The following HNRNPLL variants were observed in gnomAD, a reference collection of about 807,000 sequenced individuals.
HNRNPLL encodes the protein heterogeneous nuclear ribonucleoprotein L-like.
In HNRNPLL, 25 loss-of-function variants were observed where a neutral mutation model predicts 67.1. That is an observed-to-expected ratio of 0.37 (90% confidence interval 0.27 to 0.52). The LOEUF (loss-of-function observed/expected upper bound fraction) is 0.52. Among genes scored for constraint, HNRNPLL ranks in the 20% least tolerant of loss-of-function variants. The pLI is 0.90. For synonymous variants in HNRNPLL, 267 were observed against 241.7 expected (o/e 1.10, Z -0.97); for missense variants, 542 against 673.9 (o/e 0.80, Z 2.17).
chr2:38,592,524 G>C (rs942404542), intron 1 of HNRNPLL, among the ~76,000 whole-genome samples: 1 of 152,172 alleles, frequency 6.6e-6, no homozygotes. Flanking sequence ...GCAAGGCAGG[G>C]GGATGAATAA....
At chr2:38,578,385 A>G (rs1157658733) in intron 6 of HNRNPLL, among the ~76,000 whole-genome samples, 1 of 152,116 alleles carries the variant, frequency 6.6e-6, no homozygotes, top group Admixed American at 6.6e-5. Flanking sequence ...AAAAATCATT[A>G]TACAATACTT....
At chr2:38,572,167 A>T (rs942610848) in intron 8 of HNRNPLL, among the ~76,000 whole-genome samples, 1 of 152,154 alleles carries the variant, frequency 6.6e-6, no homozygotes, top group African/African-American at 2.4e-5. Context: ...GCCCAGTTAC[A>T]CAAGTATAGG....
chr2:38,589,159 A>G lies in HNRNPLL; in HGVS notation c.308+2371T>C, dbSNP rs574780800. ...TTGATTATAATGCATACAGTATAGAAAAATAACAAAAGTTAAAAAATACAA... is the reference window on the plus strand; with the variant it reads ...TTGATTATAATGCATACAGTATAGAGAAATAACAAAAGTTAAAAAATACAA... On this transcript the variant is annotated intron_variant, in intron 2 of 12. Transcript: ENST00000449105. Among the ~76,000 whole-genome samples the G allele has an allele frequency of 3.3e-3, 499 of 152,344 alleles. 3 individuals carry two copies. The highest frequency in any genetic ancestry group is 4.4e-3 in the Non-Finnish European group (300 of 68,024).
intron 10 of HNRNPLL, 55 bp from the exon 11 acceptor site, chr2:38,568,498 T>C (rs919638493): frequency 1.4e-5 from 16 of 1,174,758 alleles, no homozygotes; most frequent in Non-Finnish European, 2.0e-5. Context: ...TATCCCACTT[T>C]TTTACAGAAA....
intron 4 of HNRNPLL, among the ~76,000 whole-genome samples, chr2:38,582,979 G>A (rs1229156671): frequency 1.1e-4 from 16 of 151,990 alleles, no homozygotes; most frequent in Admixed American, 1.0e-3. Context: ...TCGGAAAGCA[G>A]AGGAGATAAT....
At chr2:38,591,918 G>A (rs909849865) in intron 1 of HNRNPLL, among the ~76,000 whole-genome samples, 1 of 152,126 alleles carries the variant, frequency 6.6e-6, no homozygotes, top group African/African-American at 2.4e-5. Context: ...GGAGGCTGCA[G>A]TGAGCCAAGA....
chr2:38,601,611 C>T (rs2148396438), intron 1 of HNRNPLL: 1 of 152,328 alleles, frequency 6.6e-6, no homozygotes, highest in East Asian at 1.9e-4. Flanking sequence ...CCTTCTGCCT[C>T]CCCCTAACAT....
chr2:38,583,935 G>T lies in HNRNPLL; in HGVS notation c.547-9C>A, dbSNP rs1335681694. 1 of 1,295,668 alleles carries T rather than the reference G, an allele frequency of 7.7e-7. No homozygotes were observed. The highest frequency in any genetic ancestry group is 1.1e-6 in the Non-Finnish European group (1 of 937,980). The allele number at this position is 1,295,668 out of a possible 1,614,324, so 80.3% of individuals were successfully genotyped here. A position where few individuals can be genotyped will look rare whatever the true frequency, so the allele number is the denominator to read the frequency against. On this transcript the variant is annotated splice_polypyrimidine_tract_variant and intron_variant, in intron 3 of 12. Coordinates refer to ENST00000449105, the MANE Select transcript of HNRNPLL (RefSeq NM_138394.4). ...ACAGTATATAAAACATCCTATGAAG[G>T]AAAAGAAAAAGATTTCTTCACACTT...
chr2:38,586,221 C>G (rs754413701), intron 2 of HNRNPLL, among the ~76,000 whole-genome samples: 88 of 152,116 alleles, frequency 5.8e-4, no homozygotes, highest in Non-Finnish European at 1.1e-3. Context: ...CAGGGTTTCC[C>G]CGTGTTAGCC....
At chr2:38,587,791 C>T (rs1052400538) in intron 2 of HNRNPLL, among the ~76,000 whole-genome samples, 1 of 152,102 alleles carries the variant, frequency 6.6e-6, no homozygotes, top group Non-Finnish European at 1.5e-5. Context: ...ATCCAAACCT[C>T]GTATTGAATT....
intron 6 of HNRNPLL, 135 bp downstream of exon 6, chr2:38,581,778 G>T: frequency 1.5e-6 from 1 of 666,450 alleles, no homozygotes; most frequent in Non-Finnish European, 2.7e-6. Flanking sequence ...GCATTACATG[G>T]CCTTTTGCAA....
chr2:38,588,552 A>AAAAAAAAC lies in HNRNPLL; in HGVS notation c.309-2672_309-2671insGTTTTTTT, dbSNP rs1334422453. On this transcript the variant is annotated intron_variant, in intron 2 of 12. Coordinates refer to ENST00000449105, the MANE Select transcript of HNRNPLL (RefSeq NM_138394.4). ...ACAGAGTGAAACTCCATCTCAAAAA[A>AAAAAAAAC]AAAAAAAAAAAAAAAGGGTGAGCTA... Among the ~76,000 whole-genome samples, 4 of 138,070 alleles carry AAAAAAAAC rather than the reference A, an allele frequency of 2.9e-5. 1 individual carries two copies. Among genetic ancestry groups the AAAAAAAAC allele is most frequent in the African/African-American group, 9.9e-5 (3 of 30,440 alleles). 90.6% of individuals were successfully genotyped at this position (138,070 alleles called of 152,430 possible).
At chr2:38,588,503 CGCGCCACTGCACCA>C (rs1442890354) in intron 2 of HNRNPLL, among the ~76,000 whole-genome samples, 112 of 137,880 alleles carry the variant, frequency 8.1e-4, no homozygotes, top group Non-Finnish European at 1.4e-3. Context: ...GAGCCAAGAT[CGCGCCACTGCACCA>C]GCTTGGGTGA....
chr2:38,569,981 A>G, intron 8 of HNRNPLL, 56 bp from the exon 9 acceptor site: 1 of 1,314,154 alleles, frequency 7.6e-7, no homozygotes, highest in Non-Finnish European at 1.1e-6. Flanking sequence ...ACAGTAAAAG[A>G]AATTTTAAAA....
chr2:38,565,693 C>T (rs1665830268), intron 12 of HNRNPLL, among the ~76,000 whole-genome samples: 1 of 130,638 alleles, frequency 7.7e-6, no homozygotes. Flanking sequence ...TGCACCACTG[C>T]ATTCCAGGCT....
chr2:38,582,238 G>T, intron 4 of HNRNPLL, 70 bp from the exon 5 acceptor site: 2 of 990,690 alleles, frequency 2.0e-6, no homozygotes, highest in Non-Finnish European at 3.2e-6. Flanking sequence ...CAAAGGACAG[G>T]ATTGAAAATA....
intron 7 of HNRNPLL, among the ~76,000 whole-genome samples, chr2:38,575,631 TG>T (rs1357213388): frequency 6.6e-6 from 1 of 151,838 alleles, no homozygotes; most frequent in African/African-American, 2.4e-5. Context: ...AAACTTAATC[TG>T]ATGGAATCTA....
chr2:38,588,017 C>T (rs1226619902), intron 2 of HNRNPLL, among the ~76,000 whole-genome samples: 4 of 151,956 alleles, frequency 2.6e-5, no homozygotes, highest in Non-Finnish European at 4.4e-5. Context: ...TAAAGATGTG[C>T]GTACTTCCCC....
At chr2:38,567,870 G>A (rs567873271) in intron 12 of HNRNPLL, among the ~76,000 whole-genome samples, 2 of 152,250 alleles carry the variant, frequency 1.3e-5, no homozygotes, top group East Asian at 3.9e-4. Flanking sequence ...CTTCAGTCAA[G>A]CCCTGAGATT....
Sources: gnomAD v4.1 joint callset for allele counts (sites outside exome capture counted in the v4.1 genomes callset) on GRCh38, gnomAD v4.1.1 for gene constraint, MANE v1.5 for transcripts, NCBI Gene and HGNC (gene_info 2026-07-23, HGNC 2026-07-21) for gene names.